The following ENO4 variants were observed in gnomAD, a reference collection of about 807,000 sequenced individuals.
ENO4 encodes 2-phospho-D-glycerate hydro-lyase.
Under a neutral mutation model 63.2 loss-of-function variants are expected in ENO4, and 53 were observed. The observed-to-expected ratio is 0.84, with a 90% CI of 0.67 to 1.05. The LOEUF (loss-of-function observed/expected upper bound fraction) is 1.05. Among genes scored for constraint, ENO4 ranks in the 50% least tolerant of loss-of-function variants. The probability of loss-of-function intolerance (pLI) is 0.00; values close to 1 mark genes in which losing one functional copy is unlikely to be tolerated. For synonymous variants in ENO4, 266 were observed against 283.8 expected (o/e 0.94, Z 0.63); for missense variants, 719 against 772.0 (o/e 0.93, Z 0.81).
At chr10:116,902,003 CTTA>C (rs1177830400) in intron 10 of ENO4, 1 of 1,477,402 alleles carries the variant, frequency 6.8e-7, no homozygotes, top group Non-Finnish European at 9.1e-7. Flanking sequence ...CTGTATGATG[CTTA>C]TTAATATGGT....
intron 11 of ENO4, among the ~76,000 whole-genome samples, chr10:116,878,355 A>T (rs1214567070): frequency 1.3e-5 from 2 of 152,160 alleles, no homozygotes. Context: ...TGGGTGGTAG[A>T]TGATAGATAG....
rs532822452 is a variant in ENO4 at position 116,856,684 on chromosome 10, T to A, written c.485+2T>A. 1 of 1,517,696 alleles carries A rather than the reference T, an allele frequency of 6.6e-7. No individual in the cohort carries two copies. The highest frequency in any genetic ancestry group is 1.2e-5 in the South Asian group (1 of 81,602). The allele number at this position is 1,517,696 out of a possible 1,614,324, so 94.0% of individuals were successfully genotyped here. ...GGCAGAGGTGGATCACCTACTCAGG[T>A]ACAGTTTCCACTTTGAAATATAAAC... On this transcript the variant is annotated splice_donor_variant, in intron 3 of 13. Coordinates refer to ENST00000341276, the MANE Select transcript of ENO4 (RefSeq NM_001242699.2). LOFTEE classifies it high-confidence loss of function.
intron 1 of ENO4, among the ~76,000 whole-genome samples, chr10:116,853,713 A>G (rs939676904): frequency 3.3e-5 from 5 of 152,184 alleles, no homozygotes; most frequent in Admixed American, 3.3e-4. Context: ...TCCTGATTCT[A>G]AATTCATTTA....
chr10:116,899,924 C>A (rs1403416901), intron 10 of ENO4, among the ~76,000 whole-genome samples: 1 of 152,072 alleles, frequency 6.6e-6, no homozygotes, highest in African/African-American at 2.4e-5. Flanking sequence ...GGGATTCTGA[C>A]AAATGATACA....
Position 116,879,314 on chromosome 10 carries a change from G to C in ENO4, c.1561G>C (p.Gly521Arg). The C allele has an allele frequency of 6.4e-7, 1 of 1,550,594 alleles. No individual in the cohort carries two copies. The highest frequency in any genetic ancestry group is 2.4e-5 in the East Asian group (1 of 40,896). ...AGGTAAGAAGCACATCACTGTCTTTGGAAGTACAGAAGGAGAATCATCTGA... is the reference window on the plus strand; with the variant it reads ...AGGTAAGAAGCACATCACTGTCTTTCGAAGTACAGAAGGAGAATCATCTGA... ...IDSKKHITVF[G>R]STEGESSDDS... The change falls in exon 12 of 14, where the codon GGA (glycine) becomes CGA (arginine). Residue 521 changes from glycine (G) to arginine (R), a missense_variant. By Grantham distance (125) the Gly-to-Arg change is moderately radical. Transcript: ENST00000341276.
At chr10:116,851,920 ATG>A (rs1476554157) in intron 1 of ENO4, among the ~76,000 whole-genome samples, 1 of 152,072 alleles carries the variant, frequency 6.6e-6, no homozygotes, top group Non-Finnish European at 1.5e-5. Context: ...TTCAGCTCCA[ATG>A]TCATTTCTTC....
At chr10:116,866,499 T>G (rs1168984044) in intron 7 of ENO4, among the ~76,000 whole-genome samples, 2 of 152,210 alleles carry the variant, frequency 1.3e-5, no homozygotes, top group Non-Finnish European at 2.9e-5. Context: ...ATCCTGTCAA[T>G]GCACTGGTTT....
intron 1 of ENO4, among the ~76,000 whole-genome samples, chr10:116,851,888 A>G (rs538883271): frequency 6.6e-6 from 1 of 152,136 alleles, no homozygotes; most frequent in African/African-American, 2.4e-5. Context: ...ACTGGCACTG[A>G]AACACTATAC....
At position 116,849,651 on chromosome 10, in the gene ENO4, G is replaced by C. The variant is rs1488549039; in HGVS notation, c.85G>C (p.Glu29Gln). Reference protein sequence around the residue: ...LKQQAMEYYRENDVPRRLEEL... With the variant: ...LKQQAMEYYRQNDVPRRLEEL... ...GCAGCAGGCGATGGAGTACTACCGG[G>C]AGAACGACGTTCCGCGCAGGCTGGA... Residue 29 changes from glutamate to glutamine, a missense_variant, in exon 1 of 14, where the codon GAG (glutamate) becomes CAG (glutamine). This residue lies in a region of ENO4 where 544 missense variants were observed against 583.6 expected (regional missense o/e 0.93). Transcript: ENST00000341276. 9 of 1,550,266 alleles carry C rather than the reference G, an allele frequency of 5.8e-6. No homozygotes were observed. Among genetic ancestry groups the C allele is most frequent in the Non-Finnish European group, 7.8e-6 (9 of 1,146,822 alleles).
intron 10 of ENO4, among the ~76,000 whole-genome samples, chr10:116,908,564 A>G (rs1848065629): frequency 6.6e-6 from 1 of 152,200 alleles, no homozygotes; most frequent in Non-Finnish European, 1.5e-5. Context: ...GATATTTGAA[A>G]AACACATGGT....
In ENO4 at chr10:116,849,728, C is replaced by T. The variant is rs1428378166; in HGVS notation, c.162C>T (p.His54=). The part of the protein sequence containing the change: ...FYLQPADVYG[H]LANCFSKLAK... ...TCCAGCCTGCCGACGTCTACGGGCA[C>T]CTGGTAGGGACCTGGGACAAGCGCT... Residue 54 remains histidine, a synonymous_variant, in exon 1 of 14, where the codon CAC becomes CAT. Transcript: ENST00000341276. 9.9e-6 allele frequency: 15 copies of T among 1,521,002 alleles called. No individual in the cohort carries two copies. Among genetic ancestry groups the T allele is most frequent in the Non-Finnish European group, 1.3e-5 (15 of 1,132,098 alleles). The allele number at this position is 1,521,002 out of a possible 1,614,324, so 94.2% of individuals were successfully genotyped here.
At chr10:116,875,068 C>T (rs567952326) in intron 10 of ENO4, among the ~76,000 whole-genome samples, 10 of 152,242 alleles carry the variant, frequency 6.6e-5, no homozygotes, top group Non-Finnish European at 1.3e-4. Flanking sequence ...CCATCTTTCC[C>T]CCAACCAACT....
At chr10:116,904,786 G>T (rs1289213371) in intron 10 of ENO4, among the ~76,000 whole-genome samples, 1 of 152,150 alleles carries the variant, frequency 6.6e-6, no homozygotes, top group Non-Finnish European at 1.5e-5. Context: ...TGTGAGTATT[G>T]CACATTTTGA....
rs1845993306 is a variant in ENO4, at chr10:116,849,608, G to A, written c.42G>A (p.Arg14=). The part of the protein sequence containing the change: ...EGGGRSCGTT[R]ELQKLKQQAM... Reference sequence around the variant, plus strand: ...GCGGCCGCAGCTGTGGGACCACTAGGGAGCTGCAGAAGCTGAAGCAGCAGG... The same window carrying A: ...GCGGCCGCAGCTGTGGGACCACTAGAGAGCTGCAGAAGCTGAAGCAGCAGG... Residue 14 remains arginine (R), a synonymous_variant, in exon 1 of 14, where the codon AGG becomes AGA. Transcript: ENST00000341276. 3.9e-6 allele frequency: 6 copies of A among 1,549,946 alleles called. No individual in the cohort carries two copies. The highest frequency in any genetic ancestry group is 4.4e-6 in the Non-Finnish European group (5 of 1,146,680).
At chr10:116,857,909 T>C (rs926913526) in intron 3 of ENO4, among the ~76,000 whole-genome samples, 1 of 152,236 alleles carries the variant, frequency 6.6e-6, no homozygotes, top group African/African-American at 2.4e-5. Flanking sequence ...AGTGCTGGGA[T>C]TAGAGGCATG....
In ENO4 at chr10:116,860,912, G is replaced by A; in HGVS notation, c.753G>A (p.Met251Ile). The change falls in exon 5 of 14, where the codon ATG (methionine) becomes ATA (isoleucine). Residue 251 changes from methionine to isoleucine, a missense_variant. Met to Ile is a conservative substitution (Grantham distance 10, BLOSUM62 1). Around this residue, in one of 3 missense-constraint regions of ENO4, gnomAD observed 544 missense variants for 583.6 expected, o/e 0.93. Transcript: ENST00000341276. Reference sequence around the variant, plus strand: ...TAGCTGTTGCCAAAGCCTGTGCCATGCTGCTTAATAAACCTCTGTACTTAA... The same window carrying A: ...TAGCTGTTGCCAAAGCCTGTGCCATACTGCTTAATAAACCTCTGTACTTAA... ...VSLAVAKACAMLLNKPLYLNI... is the reference protein window; with the variant it reads ...VSLAVAKACAILLNKPLYLNI... The A allele has an allele frequency of 6.5e-7, 1 of 1,549,120 alleles. No homozygotes were observed.
In ENO4 at chr10:116,857,076, A is replaced by G. The variant is rs180948592; in HGVS notation, c.485+394A>G. 4.6e-5 allele frequency among the ~76,000 whole-genome samples: 7 copies of G among 152,216 alleles called. 1 individual carries two copies. The highest frequency in any genetic ancestry group is 2.0e-4 in the Admixed American group (3 of 15,280). ...CCAATAAAATGGGTCTGTCAAATCT[A>G]TAGAATTGGGAAGTCAGTTTACAAA... On this transcript the variant is annotated intron_variant, in intron 3 of 13. Transcript: ENST00000341276.
rs944099038 is a variant in ENO4, at chr10:116,881,597, G to A, written c.1806G>A (p.Arg602=). Reference sequence around the variant, plus strand: ...AGGCACTTGAGGCTGCTGCGGCTAGGGAGCCGCTGGTGCCCACCTTCCCCA... The same window carrying A: ...AGGCACTTGAGGCTGCTGCGGCTAGAGAGCCGCTGGTGCCCACCTTCCCCA... ...AAEALEAAAA[R]EPLVPTFPTQ... is the part of the protein sequence containing the mutation. Residue 602 remains arginine (R), a synonymous_variant, in exon 14 of 14, where the codon AGG becomes AGA. Coordinates refer to ENST00000341276, the MANE Select transcript of ENO4 (RefSeq NM_001242699.2). 2 of 1,550,244 alleles carry A rather than the reference G, an allele frequency of 1.3e-6. No individual in the cohort carries two copies. Among genetic ancestry groups the A allele is most frequent in the African/African-American group, 2.7e-5 (2 of 73,050 alleles).
chr10:116,873,674 A>G (rs1013031235), intron 9 of ENO4, among the ~76,000 whole-genome samples: 2 of 152,232 alleles, frequency 1.3e-5, no homozygotes, highest in Non-Finnish European at 2.9e-5. Flanking sequence ...TATTCATTCA[A>G]TGTGACCTGA....
Sources: allele counts gnomAD v4.1 joint callset (sites outside exome capture counted in the v4.1 genomes callset), GRCh38; gene constraint gnomAD v4.1.1; regional missense constraint gnomAD v4.1.1; transcripts MANE v1.5; gene names NCBI Gene and HGNC (gene_info 2026-07-23, HGNC 2026-07-21).